Variants in CCDC30 observed in about 807,000 individuals in gnomAD.
CCDC30 encodes the protein coiled-coil domain-containing protein 30.
A neutral mutation model predicts 100.2 loss-of-function variants in CCDC30; 70 were observed. The ratio of observed to expected loss-of-function variants is 0.70; its 90% confidence interval spans 0.58 to 0.85. The LOEUF is 0.85. Among genes scored for constraint, CCDC30 ranks in the 40% least tolerant of loss-of-function variants. The pLI is 0.00. For synonymous variants in CCDC30, 233 were observed against 269.5 expected (o/e 0.86, Z 1.33); for missense variants, 652 against 771.2 (o/e 0.85, Z 1.83).
intron 7 of CCDC30, among the ~76,000 whole-genome samples, chr1:42,572,208 A>C (rs1185704442): frequency 6.6e-6 from 1 of 152,194 alleles, no homozygotes; most frequent in Admixed American, 6.5e-5. Flanking sequence ...TTGCAAACCT[A>C]GTATACGTGT....
At chr1:42,473,500 G>A in intron 1 of CCDC30, 1 of 384,938 alleles carries the variant, frequency 2.6e-6, no homozygotes, top group Non-Finnish European at 4.6e-6. Context: ...TGTATAGGAT[G>A]TTGCCCAGTG....
chr1:42,521,797 A>G (rs1296039492), intron 6 of CCDC30, among the ~76,000 whole-genome samples: 1 of 151,814 alleles, frequency 6.6e-6, no homozygotes, highest in African/African-American at 2.4e-5. Context: ...ATTAATATAT[A>G]ATATATTTTA....
intron 1 of CCDC30, chr1:42,473,431 CT>C (rs533619604): frequency 0.27 from 100,980 of 367,942 alleles, 11,217 homozygotes; most frequent in Non-Finnish European, 0.32. Context: ...ACGTGTAGAC[CT>C]TTTTTTTTTT....
chr1:42,456,888 C>A, the CCDC30 span: 1 of 1,612,742 alleles, frequency 6.2e-7, no homozygotes, highest in Non-Finnish European at 8.5e-7. Context: ...CTGCGGCCTT[C>A]GGGCCCAGCC....
chr1:42,651,437 A>G (rs550444266), intron 15 of CCDC30, among the ~76,000 whole-genome samples: 1 of 152,194 alleles, frequency 6.6e-6, no homozygotes, highest in Non-Finnish European at 1.5e-5. Context: ...ACATTTCTCA[A>G]AAAAAGACAT....
chr1:42,655,596 A>G (rs141190901), downstream of CCDC30, among the ~76,000 whole-genome samples: 943 of 152,274 alleles, frequency 6.2e-3, 6 homozygotes, highest in South Asian at 0.011. Context: ...GAAAATACCA[A>G]GAGCTTTTCC....
the CCDC30 span, chr1:42,456,862 G>C: frequency 1.9e-6 from 3 of 1,613,470 alleles, no homozygotes; most frequent in Non-Finnish European, 2.5e-6. Flanking sequence ...TCCCACCCCA[G>C]ACTTGGCTGT....
intron 6 of CCDC30, among the ~76,000 whole-genome samples, chr1:42,510,915 C>T (rs1471551955): frequency 6.6e-6 from 1 of 151,824 alleles, no homozygotes; most frequent in Non-Finnish European, 1.5e-5. Context: ...AGTAAAAAGG[C>T]CATGCTCTTG....
At chr1:42,471,635 C>T (rs1001849529) in intron 1 of CCDC30, among the ~76,000 whole-genome samples, 38 of 152,178 alleles carry the variant, frequency 2.5e-4, no homozygotes, top group Middle Eastern at 3.4e-3. Flanking sequence ...TGCTCAAAGA[C>T]CTTGTAGGGA....
chr1:42,506,032 A>C (rs564313953), intron 6 of CCDC30, among the ~76,000 whole-genome samples: 2 of 152,392 alleles, frequency 1.3e-5, no homozygotes, highest in African/African-American at 4.8e-5. Flanking sequence ...TAAGTTAAGA[A>C]TACGTTTCCA....
chr1:42,581,125 G>C (rs1645956926), intron 8 of CCDC30: 1 of 410,276 alleles, frequency 2.4e-6, no homozygotes, highest in Non-Finnish European at 4.5e-6. Context: ...ACAGGCGTGA[G>C]CCAGCATGTC....
chr1:42,569,472 A>C (rs1387744579), intron 7 of CCDC30, among the ~76,000 whole-genome samples: 1 of 152,194 alleles, frequency 6.6e-6, no homozygotes, highest in East Asian at 1.9e-4. Flanking sequence ...AAAAGTCAGG[A>C]AACAACAGAT....
chr1:42,507,639 G>C (rs1241658840), intron 6 of CCDC30, among the ~76,000 whole-genome samples: 1 of 152,088 alleles, frequency 6.6e-6, no homozygotes, highest in East Asian at 1.9e-4. Context: ...TACATATTAT[G>C]ATAGTAACTC....
chr1:42,615,464 A>G (rs926655486), intron 11 of CCDC30, among the ~76,000 whole-genome samples: 3 of 151,942 alleles, frequency 2.0e-5, no homozygotes, highest in African/African-American at 7.3e-5. Flanking sequence ...CTGCCCGGCT[A>G]ATTTTTATAT....
At chr1:42,544,941 A>G (rs1645092216) in intron 6 of CCDC30, among the ~76,000 whole-genome samples, 1 of 152,098 alleles carries the variant, frequency 6.6e-6, no homozygotes. Flanking sequence ...TCCGTAAGAT[A>G]TATCTAATAT....
the CCDC30 span, chr1:42,456,768 C>T: frequency 6.2e-7 from 1 of 1,612,370 alleles, no homozygotes; most frequent in African/African-American, 1.3e-5. Flanking sequence ...CGCGGTGCAA[C>T]CTCGGCCGAG....
Position 42,542,533 on chromosome 1 carries a change from A to ATTTTTCTTTTT in CCDC30, c.457-23757_457-23747dup, listed in dbSNP as rs1645031915. Among the ~76,000 whole-genome samples the ATTTTTCTTTTT allele has an allele frequency of 1.7e-4, 17 of 100,818 alleles. 1 individual carries two copies. The highest frequency in any genetic ancestry group is 2.6e-4 in the Non-Finnish European group (13 of 50,306). The allele number at this position is 100,818 out of a possible 152,430, so 66.1% of individuals were successfully genotyped here. A position where few individuals can be genotyped will look rare whatever the true frequency, so the allele number is the denominator to read the frequency against. On this transcript the variant is annotated intron_variant, in intron 6 of 16. Transcript: ENST00000668663. ...TGGCACCACACCTGGCTAATTTTAA[A>ATTTTTCTTTTT]TTTTTCTTTTTTTTTTTTTTTTTTT...
At chr1:42,527,819 C>A (rs1260077204) in intron 6 of CCDC30, among the ~76,000 whole-genome samples, 1 of 151,746 alleles carries the variant, frequency 6.6e-6, no homozygotes, top group Non-Finnish European at 1.5e-5. Context: ...AATCTTTTAA[C>A]CTCATCTTCT....
At chr1:42,618,227 A>ATTTTTT (rs1570263969) in intron 11 of CCDC30, among the ~76,000 whole-genome samples, 3 of 119,066 alleles carry the variant, frequency 2.5e-5, no homozygotes, top group African/African-American at 6.7e-5. Flanking sequence ...AACCAGTGAT[A>ATTTTTT]TCTTTTTTTT....
Sources: allele counts gnomAD v4.1 joint callset (sites outside exome capture counted in the v4.1 genomes callset), GRCh38; gene constraint gnomAD v4.1.1; transcripts MANE v1.5; gene names NCBI Gene and HGNC (gene_info 2026-07-23, HGNC 2026-07-21).